The following RYR1 variants were observed in gnomAD, a reference collection of about 807,000 sequenced individuals.
RYR1 encodes central core disease of muscle.
In RYR1, 342 loss-of-function variants were observed where a neutral mutation model predicts 583.5. The observed-to-expected ratio is 0.59, with a 90% CI of 0.54 to 0.64. The LOEUF is 0.64. RYR1 is among the 30% of genes least tolerant of loss of function. The pLI, the probability that RYR1 is intolerant of heterozygous loss-of-function variation, is 0.00. For synonymous variants in RYR1, 2,791 were observed against 2,822.5 expected (o/e 0.99, Z 0.35); for missense variants, 6,032 against 6,917.2 (o/e 0.87, Z 4.54).
chr19:38,509,506 G>T (rs188350035), intron 58 of RYR1, among the ~76,000 whole-genome samples: 1 of 140,730 alleles, frequency 7.1e-6, no homozygotes, highest in African/African-American at 2.7e-5. Flanking sequence ...AGGTTGGACT[G>T]CAGTGGCGCG....
intron 22 of RYR1, among the ~76,000 whole-genome samples, chr19:38,464,240 G>A (rs565501043): frequency 8.4e-6 from 1 of 119,720 alleles, no homozygotes; most frequent in East Asian, 2.7e-4. Context: ...TCACACTACT[G>A]CACTCCAGCC....
At chr19:38,586,268 G>A in intron 104 of RYR1, 77 bp downstream of exon 104, 1 of 1,369,048 alleles carries the variant, frequency 7.3e-7, no homozygotes, top group South Asian at 1.2e-5. Flanking sequence ...CTTAGCTTTG[G>A]CCAGTTAGGA....
At position 38,505,301 on chromosome 19, in the gene RYR1, A is replaced by G. The variant is rs771565964; in HGVS notation, c.8311-8A>G. 6 of 1,600,672 alleles carry G rather than the reference A, an allele frequency of 3.7e-6. No homozygotes were observed. Among genetic ancestry groups the G allele is most frequent in the Non-Finnish European group, 5.1e-6 (6 of 1,170,402 alleles). ...CTCCCCCTCACCCTGCCTCCCCTCC[A>G]TCTCTAGATCCAGAACAACTGGTCC... On this transcript the variant is annotated splice_polypyrimidine_tract_variant and splice_region_variant and intron_variant, in intron 52 of 105. Coordinates refer to ENST00000359596, the MANE Select transcript of RYR1 (RefSeq NM_000540.3).
chr19:38,553,001 T>C lies in RYR1; in HGVS notation c.12282+4581T>C, dbSNP rs1972729834. ...TCTGCAACTGGGAAAAGTGTATTCA[T>C]TTTATTTTTTGAATATATAATTACT... On this transcript the variant is annotated intron_variant, in intron 89 of 105. Transcript: ENST00000359596. 1.3e-5 allele frequency among the ~76,000 whole-genome samples: 2 copies of C among 152,190 alleles called. 1 individual carries two copies. The highest frequency in any genetic ancestry group is 4.1e-4 in the South Asian group (2 of 4,826).
intron 57 of RYR1, 150 bp from the exon 58 acceptor site, chr19:38,507,562 G>T: frequency 2.9e-6 from 2 of 700,312 alleles, no homozygotes; most frequent in Non-Finnish European, 5.3e-6. Context: ...AAGTGGGGTG[G>T]GGCATGGGGG....
At position 38,511,247 on chromosome 19, in the gene RYR1, G is replaced by A. The variant is rs1029449668; in HGVS notation, c.9123-314G>A. Reference sequence around the variant, plus strand: ...GGAGTTGGAGGCTGCAGGGAGCTGGGATCGTGCCACTGTACTCCAGCCTGG... The same window carrying A: ...GGAGTTGGAGGCTGCAGGGAGCTGGAATCGTGCCACTGTACTCCAGCCTGG... On this transcript the variant is annotated intron_variant, in intron 60 of 105. Coordinates refer to ENST00000359596, the MANE Select transcript of RYR1 (RefSeq NM_000540.3). Among the ~76,000 whole-genome samples the A allele has an allele frequency of 4.5e-4, 69 of 152,120 alleles. 1 individual carries two copies. Among genetic ancestry groups the A allele is most frequent in the Admixed American group, 3.9e-3 (60 of 15,270 alleles).
At chr19:38,453,844 A>AC (rs1967222314) in intron 13 of RYR1, among the ~76,000 whole-genome samples, 1 of 151,778 alleles carries the variant, frequency 6.6e-6, no homozygotes, top group African/African-American at 2.4e-5. Flanking sequence ...ATGAGGGCAG[A>AC]GAGGTGACGA....
At position 38,523,042 on chromosome 19, in the gene RYR1, C is replaced by T. The variant is rs150977342; in HGVS notation, c.10274C>T (p.Thr3425Met). 1.3e-4 allele frequency: 213 copies of T among 1,602,230 alleles called. No individual in the cohort carries two copies. Among genetic ancestry groups the T allele is most frequent in the South Asian group, 4.9e-4 (44 of 89,880 alleles). The stretch of plus-strand genomic sequence containing the variant: ...GCTGACCCCAGGGCGCAGTGGCTGA[C>T]GGAGCCGAATCCCAGCGCGGAGGAG... Reference protein sequence around the residue: ...YVDNNRAQWLTEPNPSAEELF... With the variant: ...YVDNNRAQWLMEPNPSAEELF... The change falls in exon 68 of 106, where the codon ACG (threonine) becomes ATG (methionine). Residue 3425 changes from threonine (T) to methionine (M), a missense_variant. Around this residue, in one of 11 missense-constraint regions of RYR1, gnomAD observed 1,493 missense variants for 1,715.5 expected, o/e 0.87. Transcript: ENST00000359596.
intron 19 of RYR1, among the ~76,000 whole-genome samples, chr19:38,459,563 C>T (rs1212672993): frequency 2.6e-5 from 4 of 152,166 alleles, no homozygotes; most frequent in Admixed American, 2.6e-4. Context: ...CTTCCAGTAA[C>T]CTCTGAGATA....
rs911146774 is a variant in RYR1, at chr19:38,463,876, T to A, written c.2786+26T>A. 3.2e-6 allele frequency: 5 copies of A among 1,559,538 alleles called. No homozygotes were observed. The African/African-American group carries it at 5.6e-5, about 17-fold the overall frequency. ...GTGAGGGCCCAGGGGAGCCGGGGGT[T>A]GGGGCTGGCTGCTGGTGCGGTGGGG... On this transcript the variant is annotated intron_variant, in intron 22 of 105. Transcript: ENST00000359596.
At position 38,510,494 on chromosome 19, in the gene RYR1, A is replaced by G. The variant is rs201613324; in HGVS notation, c.8933-4A>G. On this transcript the variant is annotated splice_polypyrimidine_tract_variant and splice_region_variant and intron_variant, in intron 58 of 105. Coordinates refer to ENST00000359596, the MANE Select transcript of RYR1 (RefSeq NM_000540.3). ...ACTGTGAACCCTATTTGCCCTCCCT[A>G]CAGAGGCTGTGGTCAGCAGTGGGCG... The G allele has an allele frequency of 2.5e-6, 4 of 1,614,060 alleles. 1 individual carries two copies. Among genetic ancestry groups the G allele is most frequent in the Middle Eastern group, 3.3e-4 (2 of 6,060 alleles).
At chr19:38,568,742 A>G (rs1339463028) in intron 93 of RYR1, among the ~76,000 whole-genome samples, 1 of 116,910 alleles carries the variant, frequency 8.6e-6, no homozygotes, top group East Asian at 3.0e-4. Context: ...ACAGAGTGAG[A>G]CTCTGCCTCA....
At chr19:38,522,438 C>CA (rs1349027567) in intron 67 of RYR1, among the ~76,000 whole-genome samples, 2 of 151,826 alleles carry the variant, frequency 1.3e-5, no homozygotes, top group African/African-American at 4.8e-5. Flanking sequence ...CCTCTTCCTA[C>CA]AAAAAATAAA....
chr19:38,556,636 C>A (rs1180315178), intron 89 of RYR1, among the ~76,000 whole-genome samples: 1 of 152,108 alleles, frequency 6.6e-6, no homozygotes, highest in African/African-American at 2.4e-5. Flanking sequence ...GCAATCCACC[C>A]TCCTCAGCCA....
Position 38,460,420 on chromosome 19 carries a change from G to GC in RYR1, c.2411dup (p.Pro805ThrfsTer8). On this transcript the variant is annotated frameshift_variant, in exon 20 of 106. Transcript: ENST00000359596. LOFTEE classifies it high-confidence loss of function. The stretch of plus-strand genomic sequence containing the variant: ...GCCGCCATGGTGAATTCAAGTTCCT[G>GC]CCCCCACCTGGCTATGCTCCATGCC... 1.2e-6 allele frequency: 2 copies of GC among 1,614,100 alleles called. No homozygotes were observed. Among genetic ancestry groups the GC allele is most frequent in the South Asian group, 2.2e-5 (2 of 91,084 alleles).
chr19:38,530,308 T>A (rs1336379346), intron 76 of RYR1, among the ~76,000 whole-genome samples: 1 of 151,940 alleles, frequency 6.6e-6, no homozygotes, highest in Non-Finnish European at 1.5e-5. Context: ...TGGAATGCAG[T>A]GTCATATCAT....
chr19:38,463,773 C>T lies in RYR1; in HGVS notation c.2709C>T (p.His903=), dbSNP rs1007637405. The T allele has an allele frequency of 1.2e-6, 2 of 1,614,066 alleles. No homozygotes were observed. The highest frequency in any genetic ancestry group is 1.1e-5 in the South Asian group (1 of 91,070). ...GPVRDDNKRL[H]PCLVDFHSLP... is the part of the protein sequence containing the mutation. ...TTCGGGATGACAACAAGAGGCTGCA[C>T]CCGTGTCTTGTGGACTTCCACAGCC... The change falls in exon 22 of 106, where the codon CAC becomes CAT. Residue 903 remains histidine, a synonymous_variant. Transcript: ENST00000359596.
chr19:38,531,358 G>A (rs1021340438), intron 76 of RYR1, among the ~76,000 whole-genome samples: 3 of 151,894 alleles, frequency 2.0e-5, no homozygotes, highest in Admixed American at 1.3e-4. Flanking sequence ...TTCCCCCACC[G>A]ATAAAATAGG....
At position 38,448,693 on chromosome 19, in the gene RYR1, C is replaced by A; in HGVS notation, c.1002C>A (p.Gly334=). Residue 334 remains glycine (G), a synonymous_variant, in exon 11 of 106, where the codon GGC becomes GGA. Coordinates refer to ENST00000359596, the MANE Select transcript of RYR1 (RefSeq NM_000540.3). ...CCAAGCGGGATGTGGAGGGCATGGG[C>A]CCCCCTGAGATCAAGTACGGGGAGT... is the stretch of plus-strand genomic sequence containing the variant. ...VAPKRDVEGM[G]PPEIKYGESL... is the part of the protein sequence containing the mutation. The A allele has an allele frequency of 6.2e-7, 1 of 1,614,170 alleles. No individual in the cohort carries two copies. Among genetic ancestry groups the A allele is most frequent in the East Asian group, 2.2e-5 (1 of 44,884 alleles).
Sources: gnomAD v4.1 joint callset for allele counts (sites outside exome capture counted in the v4.1 genomes callset) on GRCh38, gnomAD v4.1.1 for gene constraint, gnomAD v4.1.1 regional missense constraint, MANE v1.5 for transcripts, NCBI Gene and HGNC (gene_info 2026-07-23, HGNC 2026-07-21) for gene names.